MRPL13: variants seen among roughly 807,000 people sequenced by gnomAD.
MRPL13 encodes the protein mitochondrial ribosomal protein L13.
In MRPL13, 33 loss-of-function variants were observed where a neutral mutation model predicts 29.0. The observed-to-expected ratio is 1.14, with a 90% confidence interval of 0.86 to 1.52. MRPL13 has a LOEUF of 1.52. Ranked by LOEUF, MRPL13 falls within the 40% of genes most tolerant of loss-of-function variation. MRPL13 has a pLI of 0.00. For missense variants in MRPL13, 227 were observed against 216.7 expected (o/e 1.05, Z -0.30); for synonymous variants, 77 against 68.4 (o/e 1.13, Z -0.62).
intron 3 of MRPL13, among the ~76,000 whole-genome samples, chr8:120,431,383 G>A (rs558389471): frequency 6.6e-6 from 1 of 152,232 alleles, no homozygotes; most frequent in South Asian, 2.1e-4. Flanking sequence ...TTAACATGGA[G>A]TAAACTTAAG....
At chr8:120,402,324 T>G (rs564658319) in intron 6 of MRPL13, among the ~76,000 whole-genome samples, 3 of 152,172 alleles carry the variant, frequency 2.0e-5, no homozygotes, top group African/African-American at 7.2e-5. Flanking sequence ...TGGAACAGAA[T>G]TGAGAACTCA....
chr8:120,398,307 T>A (rs1812546373), intron 6 of MRPL13, among the ~76,000 whole-genome samples: 1 of 152,204 alleles, frequency 6.6e-6, no homozygotes, highest in African/African-American at 2.4e-5. Flanking sequence ...CCATCATTGC[T>A]GTTTTGCAGC....
intron 6 of MRPL13, among the ~76,000 whole-genome samples, chr8:120,406,796 T>C (rs904389959): frequency 6.6e-6 from 1 of 152,196 alleles, no homozygotes; most frequent in East Asian, 1.9e-4. Flanking sequence ...CTTTCCTTAA[T>C]TCATTCTCTA....
chr8:120,426,558 A>G (rs1812933656), intron 3 of MRPL13, among the ~76,000 whole-genome samples: 1 of 152,166 alleles, frequency 6.6e-6, no homozygotes, highest in African/African-American at 2.4e-5. Context: ...GAAAATTGAG[A>G]TGGCAAATTC....
intron 5 of MRPL13, among the ~76,000 whole-genome samples, chr8:120,418,864 G>A (rs182763825): frequency 2.4e-3 from 368 of 151,980 alleles, no homozygotes; most frequent in African/African-American, 8.4e-3. Flanking sequence ...CACTTATAGC[G>A]AAGACAATAA....
chr8:120,403,676 T>C (rs1812631157), intron 6 of MRPL13, among the ~76,000 whole-genome samples: 1 of 152,248 alleles, frequency 6.6e-6, no homozygotes, highest in African/African-American at 2.4e-5. Flanking sequence ...CCTGTAAAAA[T>C]ATGTAATAGT....
At chr8:120,433,745 T>C (rs544124749) in intron 2 of MRPL13, among the ~76,000 whole-genome samples, 258 of 152,290 alleles carry the variant, frequency 1.7e-3, no homozygotes, top group Non-Finnish European at 2.7e-3. Flanking sequence ...ATACATGCTT[T>C]TAACTGTATT....
At chr8:120,443,905 T>C (rs1281130916) in intron 1 of MRPL13, among the ~76,000 whole-genome samples, 3 of 152,164 alleles carry the variant, frequency 2.0e-5, no homozygotes, top group African/African-American at 4.8e-5. Flanking sequence ...GCCTCAGGAA[T>C]AGAGCATTGT....
chr8:120,408,196 T>G (rs1812698903), intron 6 of MRPL13, among the ~76,000 whole-genome samples: 1 of 152,236 alleles, frequency 6.6e-6, no homozygotes, highest in African/African-American at 2.4e-5. Flanking sequence ...CCCTTTCAGA[T>G]CCAGACCTAC....
In MRPL13 at chr8:120,438,491, C is replaced by T. The variant is rs991506523; in HGVS notation, c.151+4694G>A. Among the ~76,000 whole-genome samples, 4 of 152,160 alleles carry T rather than the reference C, an allele frequency of 2.6e-5. No homozygotes were observed. The East Asian group carries it at 7.7e-4, about 29-fold the overall frequency. ...CTAAGGTATGCTTTTGCAATGATGA[C>T]CTGGTTATAAGGAAGCAGAACTTTG... is the stretch of plus-strand genomic sequence containing the variant. On this transcript the variant is annotated intron_variant, in intron 2 of 6. Coordinates refer to ENST00000306185, the MANE Select transcript of MRPL13 (RefSeq NM_014078.6).
At chr8:120,421,170 T>C (rs1224116241) in intron 4 of MRPL13, among the ~76,000 whole-genome samples, 5 of 151,570 alleles carry the variant, frequency 3.3e-5, no homozygotes, top group Admixed American at 2.0e-4. Context: ...ATTTGTGCCA[T>C]AGAAGTAACT....
intron 4 of MRPL13, among the ~76,000 whole-genome samples, chr8:120,422,410 T>C (rs1160797601): frequency 6.6e-6 from 1 of 151,476 alleles, no homozygotes; most frequent in African/African-American, 2.4e-5. Context: ...CAGGAGACTT[T>C]GCCTTTAGCA....
chr8:120,414,125 A>G lies in MRPL13; in HGVS notation c.394-13T>C, dbSNP rs1303352517. 1 of 1,502,142 alleles carries G rather than the reference A, an allele frequency of 6.7e-7. No homozygotes were observed. The highest frequency in any genetic ancestry group is 2.5e-5 in the East Asian group (1 of 40,700). The allele number at this position is 1,502,142 out of a possible 1,614,324, so 93.1% of individuals were successfully genotyped here. On this transcript the variant is annotated splice_polypyrimidine_tract_variant and intron_variant, in intron 5 of 6. Coordinates refer to ENST00000306185, the MANE Select transcript of MRPL13 (RefSeq NM_014078.6). ...CTTCTGGAATATACTACATTAAAAA[A>G]AAATTTAGACTTAATTTTCTTAAAA...
At chr8:120,424,665 C>A (rs1812912258) in intron 4 of MRPL13, among the ~76,000 whole-genome samples, 1 of 151,990 alleles carries the variant, frequency 6.6e-6, no homozygotes. Flanking sequence ...GCTTGAGAGG[C>A]TGAGGTGGGA....
chr8:120,418,521 T>C (rs752084179), intron 5 of MRPL13, among the ~76,000 whole-genome samples: 1 of 152,110 alleles, frequency 6.6e-6, no homozygotes, highest in African/African-American at 2.4e-5. Flanking sequence ...ATCGGCTTGA[T>C]AAAATGTACT....
Position 120,443,317 on chromosome 8 carries a change from G to GTA in MRPL13, c.28-10_28-9insTA. The GTA allele has an allele frequency of 7.1e-7, 1 of 1,416,136 alleles. No individual in the cohort carries two copies. Among genetic ancestry groups the GTA allele is most frequent in the East Asian group, 2.6e-5 (1 of 38,790 alleles). 87.7% of individuals were successfully genotyped at this position (1,416,136 alleles called of 1,614,324 possible). A position where few individuals can be genotyped will look rare whatever the true frequency, so the allele number is the denominator to read the frequency against. On this transcript the variant is annotated splice_polypyrimidine_tract_variant and intron_variant, in intron 1 of 6. Transcript: ENST00000306185. ...GCAAAAGTGGCCCATTGCTTGGGGG[G>GTA]GAAAAAAAAAAAAAAGAAGAGGAAA...
At chr8:120,425,027 A>T (rs916677252) in intron 4 of MRPL13, among the ~76,000 whole-genome samples, 1 of 152,170 alleles carries the variant, frequency 6.6e-6, no homozygotes, top group Non-Finnish European at 1.5e-5. Flanking sequence ...ACATTTCAGC[A>T]AACTCATCAT....
At chr8:120,438,626 T>C (rs1481028453) in intron 2 of MRPL13, among the ~76,000 whole-genome samples, 1 of 152,142 alleles carries the variant, frequency 6.6e-6, no homozygotes, top group Non-Finnish European at 1.5e-5. Flanking sequence ...ACCTAAGAGA[T>C]CTCATTTATT....
chr8:120,399,131 G>A (rs968728099), intron 6 of MRPL13, among the ~76,000 whole-genome samples: 1 of 152,102 alleles, frequency 6.6e-6, no homozygotes, highest in African/African-American at 2.4e-5. Flanking sequence ...CTCAAATTCA[G>A]GAAATCCGGA....
Sources: gnomAD v4.1 joint callset for allele counts (sites outside exome capture counted in the v4.1 genomes callset) on GRCh38, gnomAD v4.1.1 for gene constraint, MANE v1.5 for transcripts, NCBI Gene and HGNC (gene_info 2026-07-23, HGNC 2026-07-21) for gene names.